ZNF362: variants seen among roughly 807,000 people sequenced by gnomAD.
ZNF362 encodes rotund homolog.
In ZNF362, 11 loss-of-function variants were observed where a neutral mutation model predicts 42.9. That is an observed-to-expected ratio of 0.26 (90% CI 0.16 to 0.42). The LOEUF (loss-of-function observed/expected upper bound fraction) is 0.42, where lower values mean the gene tolerates loss of function less well. ZNF362 is among the 20% of genes least tolerant of loss of function. The pLI is 1.00. For missense variants in ZNF362, 362 were observed against 576.2 expected, an observed-to-expected ratio of 0.63 and a Z score of 3.81; for synonymous variants, 255 against 257.3, an observed-to-expected ratio of 0.99 and a Z score of 0.09.
the ZNF362 span, chr1:33,146,948 T>C: frequency 1.7e-6 from 1 of 572,906 alleles, no homozygotes; most frequent in Non-Finnish European, 3.1e-6. Context: ...CATCCTTGGA[T>C]CAAAGCTGTA....
the ZNF362 span, among the ~76,000 whole-genome samples, chr1:33,189,215 G>A: frequency 6.6e-6 from 1 of 152,120 alleles, no homozygotes; most frequent in Admixed American, 6.5e-5. Context: ...CATAAACCAG[G>A]CCTAAGCTTT....
the ZNF362 span, among the ~76,000 whole-genome samples, chr1:33,239,001 C>A: frequency 7.9e-5 from 12 of 152,288 alleles, no homozygotes; most frequent in African/African-American, 2.9e-4. Context: ...GCAGCCCCAG[C>A]AGGAGTGGTT....
chr1:33,196,612 T>A, the ZNF362 span, among the ~76,000 whole-genome samples: 27 of 152,162 alleles, frequency 1.8e-4, no homozygotes, highest in African/African-American at 6.3e-4. Flanking sequence ...GTTTTGCAGT[T>A]AACTTTTTTT....
intron 1 of ZNF362, among the ~76,000 whole-genome samples, chr1:33,258,444 GA>G (rs1645808403): frequency 6.6e-6 from 1 of 152,184 alleles, no homozygotes; most frequent in Non-Finnish European, 1.5e-5. Context: ...GTCGGGGGTT[GA>G]AAGCTGGGGT....
chr1:33,234,382 C>T, the ZNF362 span, among the ~76,000 whole-genome samples: 1 of 152,142 alleles, frequency 6.6e-6, no homozygotes, highest in Non-Finnish European at 1.5e-5. Flanking sequence ...CCACCCACGC[C>T]GTGTCATCAT....
the ZNF362 span, chr1:33,159,948 T>G: frequency 6.9e-6 from 11 of 1,600,214 alleles, no homozygotes; most frequent in Middle Eastern, 1.7e-4. The surrounding 1 kb of genome is among the most constrained non-coding windows in gnomAD (Gnocchi z 4.2). Context: ...TGGAAGACTG[T>G]GGGGGACAGT....
At chr1:33,147,647 C>T in the ZNF362 span, 21 of 1,613,800 alleles carry the variant, frequency 1.3e-5, no homozygotes, top group South Asian at 2.2e-5. This position sits in a 1 kb window ranked among gnomAD's most constrained non-coding sequence, Gnocchi z 8.1. Context: ...TGCAAGTTGC[C>T]GTAAGCCACA....
the ZNF362 span, chr1:33,165,411 C>G: frequency 6.8e-7 from 1 of 1,461,172 alleles, no homozygotes; most frequent in Non-Finnish European, 9.3e-7. The surrounding 1 kb of genome is among the most constrained non-coding windows in gnomAD (Gnocchi z 4.0). Flanking sequence ...GCTGGCCCCG[C>G]CCCTCGAAGC....
chr1:33,146,041 C>G, the ZNF362 span: 3 of 379,126 alleles, frequency 7.9e-6, no homozygotes, highest in Non-Finnish European at 1.6e-5. Flanking sequence ...GTTCTGCAGT[C>G]AGCAGCTTTC....
chr1:33,151,935 C>T, the ZNF362 span, among the ~76,000 whole-genome samples: 2 of 152,260 alleles, frequency 1.3e-5, no homozygotes, highest in Admixed American at 6.5e-5. Flanking sequence ...AGGCTTCGAA[C>T]ATGCAGAGGC....
chr1:33,156,630 C>T, the ZNF362 span, among the ~76,000 whole-genome samples: 5 of 152,144 alleles, frequency 3.3e-5, no homozygotes, highest in South Asian at 2.1e-4. Flanking sequence ...CTTTTCTATC[C>T]GCCCCCACTT....
the ZNF362 span, chr1:33,181,072 C>A: frequency 6.9e-6 from 11 of 1,599,826 alleles, no homozygotes; most frequent in Admixed American, 1.5e-4. This position sits in a 1 kb window ranked among gnomAD's most constrained non-coding sequence, Gnocchi z 6.5. Flanking sequence ...TGATGCTGCT[C>A]GTGCAGTGCA....
chr1:33,138,610 T>TCAACAA, the ZNF362 span, among the ~76,000 whole-genome samples: 1 of 127,138 alleles, frequency 7.9e-6, no homozygotes, highest in African/African-American at 3.1e-5. Context: ...AGATCCTGTC[T>TCAACAA]CAACAACAAC....
At chr1:33,179,171 G>A in the ZNF362 span, among the ~76,000 whole-genome samples, 9 of 152,358 alleles carry the variant, frequency 5.9e-5, no homozygotes, top group East Asian at 1.2e-3. Flanking sequence ...CTCCATAGAC[G>A]GGGAGATGGA....
the ZNF362 span, among the ~76,000 whole-genome samples, chr1:33,202,372 G>A: frequency 1.3e-4 from 20 of 152,130 alleles, no homozygotes; most frequent in Non-Finnish European, 2.2e-4. Context: ...GAGGGCGGGC[G>A]GATCACAAGG....
At chr1:33,132,604 C>T in the ZNF362 span, among the ~76,000 whole-genome samples, 1 of 152,326 alleles carries the variant, frequency 6.6e-6, no homozygotes, top group South Asian at 2.1e-4. Context: ...TGGTTAGTTG[C>T]TCCTTCTCTA....
the ZNF362 span, chr1:33,159,909 C>T: frequency 6.2e-7 from 1 of 1,608,316 alleles, no homozygotes. The surrounding 1 kb of genome is among the most constrained non-coding windows in gnomAD (Gnocchi z 4.2). Flanking sequence ...GCTCGAAGGC[C>T]TCGCCGATAG....
At chr1:33,275,392 T>A in intron 2 of ZNF362, 1 of 985,470 alleles carries the variant, frequency 1.0e-6, no homozygotes, top group Non-Finnish European at 1.2e-6. Flanking sequence ...TGCCCTAGCT[T>A]CAGCCTCTTC....
In ZNF362 at chr1:33,266,333, G is replaced by A. The variant is rs1645864648; in HGVS notation, c.-88-4154G>A. Among the ~76,000 whole-genome samples, 2 of 152,232 alleles carry A rather than the reference G, an allele frequency of 1.3e-5. No individual in the cohort carries two copies. Among genetic ancestry groups the A allele is most frequent in the African/African-American group, 4.8e-5 (2 of 41,464 alleles). On this transcript the variant is annotated intron_variant, in intron 1 of 8. Transcript: ENST00000539719. The surrounding 1 kb of genome is among the most constrained non-coding windows in gnomAD (Gnocchi z 4.3). ...AGTGAACATCTGTTGAGTACCCAGT[G>A]TATACTAGGCACTTGAGGCCCTACT...
Sources: allele counts gnomAD v4.1 joint callset (sites outside exome capture counted in the v4.1 genomes callset), GRCh38; gene constraint gnomAD v4.1.1; non-coding constraint Gnocchi (gnomAD v3.1); transcripts MANE v1.5; gene names NCBI Gene and HGNC (gene_info 2026-07-23, HGNC 2026-07-21).